Variants in DISP3 observed in about 807,000 individuals in gnomAD.
DISP3 encodes dispatched RND transporter family member 3, also known as protein dispatched homolog 3.
A neutral mutation model predicts 135.3 loss-of-function variants in DISP3; 101 were observed. That is an observed-to-expected ratio of 0.75 (90% confidence interval 0.64 to 0.88). The LOEUF (loss-of-function observed/expected upper bound fraction) is 0.88. Ranked by LOEUF, DISP3 falls within the 40% of genes least tolerant of loss-of-function variation. The pLI is 0.00. For missense variants in DISP3, 1,713 were observed against 1,878.6 expected (o/e 0.91, Z 1.63); for synonymous variants, 856 against 817.0 (o/e 1.05, Z -0.81).
rs907384888 is a variant in DISP3 at position 11,537,298 on chromosome 1, T to G, written c.*612T>G. On this transcript the variant is annotated 3_prime_UTR_variant, in exon 21 of 21. Coordinates refer to ENST00000294484, the MANE Select transcript of DISP3 (RefSeq NM_020780.2). Reference sequence around the variant, plus strand: ...GTGGCCCTCCCTGGGCCTTTTGGTCTTGGCCAGAGAAGACAGAAGGACCCG... The same window carrying G: ...GTGGCCCTCCCTGGGCCTTTTGGTCGTGGCCAGAGAAGACAGAAGGACCCG... The G allele has an allele frequency of 1.3e-5, 2 of 150,160 alleles. No homozygotes were observed. The highest frequency in any genetic ancestry group is 4.9e-5 in the African/African-American group (2 of 41,010). 9.3% of individuals were successfully genotyped at this position (150,160 alleles called of 1,614,324 possible).
chr1:11,528,500 C>T (rs566029955), intron 13 of DISP3, among the ~76,000 whole-genome samples: 4 of 152,350 alleles, frequency 2.6e-5, no homozygotes, highest in African/African-American at 7.2e-5. Context: ...GTGACAAAGA[C>T]AGATGTGACT....
At chr1:11,522,620 C>T (rs1271222259) in intron 10 of DISP3, among the ~76,000 whole-genome samples, 3 of 53,238 alleles carry the variant, frequency 5.6e-5, no homozygotes, top group Non-Finnish European at 8.3e-5. Context: ...CAGCCAGGAC[C>T]CAGCCAGAGC....
In DISP3 at chr1:11,519,762, C is replaced by A. The variant is rs61739687; in HGVS notation, c.2082C>A (p.Pro694=). ...LGDVSLVSVS[P]EGLQPASNTG... ...ACGTGTCCCTGGTGTCTGTGTCCCC[C>A]GAGGGTCTGCAGCCAGCCTCCAACA... Residue 694 remains proline (P), a synonymous_variant, in exon 9 of 21, where the codon CCC becomes CCA. Coordinates refer to ENST00000294484, the MANE Select transcript of DISP3 (RefSeq NM_020780.2). The surrounding 1 kb of genome is among the most constrained non-coding windows in gnomAD (Gnocchi z 4.3). 6.2e-7 allele frequency: 1 copy of A among 1,613,004 alleles called. No homozygotes were observed. The highest frequency in any genetic ancestry group is 2.2e-5 in the East Asian group (1 of 44,874).
Position 11,533,478 on chromosome 1 carries a change from A to C in DISP3, c.3376-903A>C, listed in dbSNP as rs536504188. Among the ~76,000 whole-genome samples, 3 of 152,030 alleles carry C rather than the reference A, an allele frequency of 2.0e-5. No homozygotes were observed. In the South Asian group the frequency reaches 6.2e-4, roughly 32 times the overall value. ...CACCATGTTGGCCAGGCTGGTCTCGAACTCCTGATCTCAGGTGATCCGCCT... is the reference window on the plus strand; with the variant it reads ...CACCATGTTGGCCAGGCTGGTCTCGCACTCCTGATCTCAGGTGATCCGCCT... On this transcript the variant is annotated intron_variant, in intron 17 of 20. Transcript: ENST00000294484.
At chr1:11,497,218 AT>A (rs1641359310) in intron 1 of DISP3, among the ~76,000 whole-genome samples, 1 of 151,960 alleles carries the variant, frequency 6.6e-6, no homozygotes, top group South Asian at 2.1e-4. Flanking sequence ...ATTTTAAAAA[AT>A]TTTTCCATAG....
chr1:11,522,760 GACCCA>G lies in DISP3; in HGVS notation c.2363-1181_2363-1177del, dbSNP rs1557615391. ...CAGGGCCCAGCCAGGACCCAGCCAGGACCCAGCCAGGACCCAGCCAGGGCCCAGCC... is the reference window on the plus strand; with the variant it reads ...CAGGGCCCAGCCAGGACCCAGCCAGGGCCAGGACCCAGCCAGGGCCCAGCC... On this transcript the variant is annotated intron_variant, in intron 10 of 20. Transcript: ENST00000294484. Among the ~76,000 whole-genome samples, 18 of 28,742 alleles carry G rather than the reference GACCCA, an allele frequency of 6.3e-4. 2 individuals are homozygous for G. Among genetic ancestry groups the G allele is most frequent in the East Asian group, 5.7e-3 (5 of 874 alleles). 18.9% of individuals were successfully genotyped at this position (28,742 alleles called of 152,430 possible). A position where few individuals can be genotyped will look rare whatever the true frequency, so the allele number is the denominator to read the frequency against.
Position 11,535,576 on chromosome 1 carries a change from G to A in DISP3, c.3748G>A (p.Asp1250Asn). 6.2e-7 allele frequency: 1 copy of A among 1,613,466 alleles called. No individual in the cohort carries two copies. The highest frequency in any genetic ancestry group is 8.5e-7 in the Non-Finnish European group (1 of 1,179,922). The change falls in exon 20 of 21, where the codon GAT becomes AAT. Residue 1250 changes from aspartate (D) to asparagine (N), a missense_variant. Around this residue, in one of 2 missense-constraint regions of DISP3, gnomAD observed 1,142 missense variants for 1,384.6 expected, o/e 0.82. Transcript: ENST00000294484. ...GTCCATCCTCGTTGGCTCCTCCGTG[G>A]ATTACTGCGTCCACCTGGTCGAGGG... ...SLSILVGSSV[D>N]YCVHLVEGYL...
At chr1:11,509,607 G>C (rs1641801340) in intron 3 of DISP3, among the ~76,000 whole-genome samples, 1 of 152,104 alleles carries the variant, frequency 6.6e-6, no homozygotes, top group African/African-American at 2.4e-5. Context: ...TAGGATTGTA[G>C]TTTTGATGAT....
intron 1 of DISP3, among the ~76,000 whole-genome samples, chr1:11,480,987 G>A (rs566694409): frequency 3.3e-5 from 5 of 150,436 alleles, no homozygotes; most frequent in Non-Finnish European, 7.4e-5. Flanking sequence ...ATCAGGGTCC[G>A]CATTCTTTGC....
In DISP3 at chr1:11,521,051, T is replaced by C. The variant is rs372087691; in HGVS notation, c.2362+203T>C. On this transcript the variant is annotated intron_variant, in intron 10 of 20. Coordinates refer to ENST00000294484, the MANE Select transcript of DISP3 (RefSeq NM_020780.2). ...CTGGGTGCTGGCTCTGGGGAGGTAC[T>C]GTGGGCGGGAGGCATAGGCTTCCCA... is the stretch of plus-strand genomic sequence containing the variant. Among the ~76,000 whole-genome samples the C allele has an allele frequency of 6.0e-4, 91 of 152,150 alleles. 1 individual carries two copies. The highest frequency in any genetic ancestry group is 1.2e-3 in the Non-Finnish European group (84 of 68,026).
At position 11,501,768 on chromosome 1, in the gene DISP3, C is replaced by A. The variant is rs778529938; in HGVS notation, c.776C>A (p.Ser259Ter). The A allele has an allele frequency of 1.3e-6, 2 of 1,593,686 alleles. No homozygotes were observed. Among genetic ancestry groups the A allele is most frequent in the Non-Finnish European group, 1.7e-6 (2 of 1,168,202 alleles). The part of the protein sequence containing the change: ...ARRGASRWDY[S>*]RAYVSANTQT... ...CGAGGCGCCTCGCGCTGGGACTACT[C>A]GCGCGCCTATGTGAGTGCCAACACT... The change falls in exon 2 of 21, where the codon TCG becomes TAG. Residue 259 changes from serine to a stop codon, truncating the protein, a stop_gained. Coordinates refer to ENST00000294484, the MANE Select transcript of DISP3 (RefSeq NM_020780.2). LOFTEE classifies it high-confidence loss of function. The surrounding 1 kb of genome is among the most constrained non-coding windows in gnomAD (Gnocchi z 4.9).
intron 4 of DISP3, among the ~76,000 whole-genome samples, chr1:11,514,791 A>G (rs1641956477): frequency 6.6e-6 from 1 of 152,066 alleles, no homozygotes; most frequent in African/African-American, 2.4e-5. Flanking sequence ...TCTTTCTCCT[A>G]TTGATAGCCT....
At position 11,501,601 on chromosome 1, in the gene DISP3, T is replaced by G; in HGVS notation, c.609T>G (p.Leu203=). ...QKPTANRSGR[L]RRETPPLEDL... is the part of the protein sequence containing the mutation. ...CCACAGCCAATCGGAGCGGGCGACT[T>G]CGGCGTGAGACCCCGCCCCTGGAGG... is the stretch of plus-strand genomic sequence containing the variant. The change falls in exon 2 of 21, where the codon CTT becomes CTG. Residue 203 remains leucine, a synonymous_variant. Coordinates refer to ENST00000294484, the MANE Select transcript of DISP3 (RefSeq NM_020780.2). The surrounding 1 kb of genome is among the most constrained non-coding windows in gnomAD (Gnocchi z 4.9). 1 of 1,601,710 alleles carries G rather than the reference T, an allele frequency of 6.2e-7. No individual in the cohort carries two copies. The highest frequency in any genetic ancestry group is 1.1e-5 in the South Asian group (1 of 89,850).
intron 3 of DISP3, among the ~76,000 whole-genome samples, chr1:11,504,557 A>G (rs905814600): frequency 5.3e-5 from 8 of 152,200 alleles, no homozygotes; most frequent in African/African-American, 1.9e-4. Context: ...GCCTAGTGGA[A>G]GATGTTTGGG....
At chr1:11,485,801 A>G (rs1181016534) in intron 1 of DISP3, among the ~76,000 whole-genome samples, 1 of 152,194 alleles carries the variant, frequency 6.6e-6, no homozygotes, top group Non-Finnish European at 1.5e-5. Context: ...TAGCACTGTT[A>G]TCTCCATGTT....
rs546172544 is a variant in DISP3 at position 11,502,604 on chromosome 1, C to T, written c.1097-74C>T. 4.1e-6 allele frequency: 5 copies of T among 1,222,762 alleles called. No individual in the cohort carries two copies. The South Asian group carries it at 5.7e-5, about 14-fold the overall frequency. 75.7% of individuals were successfully genotyped at this position (1,222,762 alleles called of 1,614,324 possible). A position where few individuals can be genotyped will look rare whatever the true frequency, so the allele number is the denominator to read the frequency against. ...CCTGGGAGGCAGGGCTGCAATGAGA[C>T]TGGATGACCTTGAGGGAGGGTTGGT... On this transcript the variant is annotated intron_variant, in intron 2 of 20. Coordinates refer to ENST00000294484, the MANE Select transcript of DISP3 (RefSeq NM_020780.2).
chr1:11,494,070 A>G (rs1641262927), intron 1 of DISP3, among the ~76,000 whole-genome samples: 1 of 152,232 alleles, frequency 6.6e-6, no homozygotes, highest in Admixed American at 6.5e-5. Flanking sequence ...TATGGCCAAA[A>G]GAGCCTGGGC....
Position 11,520,390 on chromosome 1 carries a change from C to T in DISP3, c.2201-297C>T, listed in dbSNP as rs1475426485. On this transcript the variant is annotated intron_variant, in intron 9 of 20. Coordinates refer to ENST00000294484, the MANE Select transcript of DISP3 (RefSeq NM_020780.2). The surrounding 1 kb of genome is among the most constrained non-coding windows in gnomAD (Gnocchi z 4.8). ...CAGAGTTGTGTGAGATCAAGTAGTG[C>T]ACCAGCTCGTCATAAACTATGAGGT... Among the ~76,000 whole-genome samples the T allele has an allele frequency of 2.0e-5, 3 of 152,166 alleles. No individual in the cohort carries two copies. The highest frequency in any genetic ancestry group is 7.2e-5 in the African/African-American group (3 of 41,412).
chr1:11,499,708 C>G lies in DISP3; in HGVS notation c.-3-1282C>G, dbSNP rs1641446948. Among the ~76,000 whole-genome samples the G allele has an allele frequency of 6.7e-6, 1 of 149,118 alleles. No homozygotes were observed. Among genetic ancestry groups the G allele is most frequent in the Non-Finnish European group, 1.5e-5 (1 of 67,874 alleles). On this transcript the variant is annotated intron_variant, in intron 1 of 20. Transcript: ENST00000294484. This position sits in a 1 kb window ranked among gnomAD's most constrained non-coding sequence, Gnocchi z 5.2. ...GCATCTCAGTCTCTCCCTCATCCCC[C>G]ACCATTCCACTCTCCCTTCGGTCTC... is the stretch of plus-strand genomic sequence containing the variant.
Sources: gnomAD v4.1 joint callset for allele counts (sites outside exome capture counted in the v4.1 genomes callset) on GRCh38, gnomAD v4.1.1 for gene constraint, gnomAD v4.1.1 regional missense constraint, Gnocchi (gnomAD v3.1) non-coding constraint, MANE v1.5 for transcripts, NCBI Gene and HGNC (gene_info 2026-07-23, HGNC 2026-07-21) for gene names.